Variants in OSBPL5 observed in about 807,000 individuals in gnomAD.
The protein encoded by OSBPL5 is oxysterol binding protein like 5, also known as oxysterol-binding protein-related protein 5.
Under a neutral mutation model 111.2 loss-of-function variants are expected in OSBPL5, and 71 were observed. The ratio of observed to expected loss-of-function variants is 0.64; its 90% CI spans 0.53 to 0.78. OSBPL5 has a LOEUF of 0.78. OSBPL5 is among the 30% of genes least tolerant of loss of function. The pLI is 0.00. For synonymous variants in OSBPL5, 549 were observed against 513.9 expected (o/e 1.07, Z -0.93); for missense variants, 1,210 against 1,189.3 (o/e 1.02, Z -0.26).
Position 3,152,537 on chromosome 11 carries a change from C to A in OSBPL5, c.-22+12679G>T, listed in dbSNP as rs563504285. On this transcript the variant is annotated intron_variant, in intron 1 of 21. Coordinates refer to ENST00000263650, the MANE Select transcript of OSBPL5 (RefSeq NM_020896.4). ...GACCAGGCCTTGGTTTTCACCAGGT[C>A]CCCTTCCAGGGATCCCATGTGGAAC... Among the ~76,000 whole-genome samples, 15 of 152,268 alleles carry A rather than the reference C, an allele frequency of 9.9e-5. No homozygotes were observed. In the East Asian group the frequency reaches 2.3e-3, roughly 24 times the overall value.
At position 3,105,633 on chromosome 11, in the gene OSBPL5, T is replaced by C. The variant is rs1590655302; in HGVS notation, c.1060-1256A>G. Among the ~76,000 whole-genome samples the C allele has an allele frequency of 6.6e-6, 1 of 152,082 alleles. No homozygotes were observed. The highest frequency in any genetic ancestry group is 1.5e-5 in the Non-Finnish European group (1 of 67,994). On this transcript the variant is annotated intron_variant, in intron 9 of 21. Coordinates refer to ENST00000263650, the MANE Select transcript of OSBPL5 (RefSeq NM_020896.4). The surrounding 1 kb of genome is among the most constrained non-coding windows in gnomAD (Gnocchi z 5.2). ...GTCCAGCAGCCATCCCTGCTTCTCA[T>C]CCTGCCCCACCTCTCGGACCAGCTG...
rs987760826 is a variant in OSBPL5 at position 3,152,698 on chromosome 11, C to T, written c.-22+12518G>A. ...TAAGCGTGAACAGAGCCGGTGCCTGCAAAACCTCCAGGAAGAGCTGGGTGC... is the reference window on the plus strand; with the variant it reads ...TAAGCGTGAACAGAGCCGGTGCCTGTAAAACCTCCAGGAAGAGCTGGGTGC... On this transcript the variant is annotated intron_variant, in intron 1 of 21. Transcript: ENST00000263650. Among the ~76,000 whole-genome samples the T allele has an allele frequency of 3.9e-5, 6 of 152,326 alleles. 1 individual carries two copies. In the South Asian group the frequency reaches 1.2e-3, roughly 32 times the overall value.
rs1564874307 is a variant in OSBPL5 at position 3,165,151 on chromosome 11, C to G, written c.-22+65G>C. The G allele has an allele frequency of 6.6e-6, 1 of 150,688 alleles. No homozygotes were observed. Among genetic ancestry groups the G allele is most frequent in the African/African-American group, 2.4e-5 (1 of 41,248 alleles). The allele number at this position is 150,688 out of a possible 1,614,324, so 9.3% of individuals were successfully genotyped here. A position where few individuals can be genotyped will look rare whatever the true frequency, so the allele number is the denominator to read the frequency against. ...CTCCGGCCCTGCCCGGCGGGGCCCT[C>G]CGGATCCTTCCCAGCCCGCCATCCC... On this transcript the variant is annotated intron_variant, in intron 1 of 21. Transcript: ENST00000263650. The surrounding 1 kb of genome is among the most constrained non-coding windows in gnomAD (Gnocchi z 7.4).
rs1858622364 is a variant in OSBPL5 at position 3,126,315 on chromosome 11, T to G, written c.219+158A>C. 6.6e-6 allele frequency among the ~76,000 whole-genome samples: 1 copy of G among 152,092 alleles called. No homozygotes were observed. The highest frequency in any genetic ancestry group is 1.5e-5 in the Non-Finnish European group (1 of 68,004). On this transcript the variant is annotated intron_variant, in intron 3 of 21. Transcript: ENST00000263650. The surrounding 1 kb of genome is among the most constrained non-coding windows in gnomAD (Gnocchi z 6.5). ...CAGCCCAAATATCCACCAGCAGCCCTCCCGGAGCAGCACAGTCTAGGATTG... is the reference window on the plus strand; with the variant it reads ...CAGCCCAAATATCCACCAGCAGCCCGCCCGGAGCAGCACAGTCTAGGATTG...
intron 13 of OSBPL5, among the ~76,000 whole-genome samples, chr11:3,100,801 A>T (rs1857427021): frequency 2.0e-5 from 3 of 152,076 alleles, no homozygotes; most frequent in Non-Finnish European, 4.4e-5. Flanking sequence ...GATGGGACGA[A>T]ATGTAAACGG....
rs1327814337 is a variant in OSBPL5, at chr11:3,162,891, C to G, written c.-22+2325G>C. Among the ~76,000 whole-genome samples, 1 of 151,876 alleles carries G rather than the reference C, an allele frequency of 6.6e-6. No individual in the cohort carries two copies. The highest frequency in any genetic ancestry group is 1.9e-4 in the East Asian group (1 of 5,142). On this transcript the variant is annotated intron_variant, in intron 1 of 21. Coordinates refer to ENST00000263650, the MANE Select transcript of OSBPL5 (RefSeq NM_020896.4). The surrounding 1 kb of genome is among the most constrained non-coding windows in gnomAD (Gnocchi z 8.1). The stretch of plus-strand genomic sequence containing the variant: ...GGAGGCCAGTGGCCCTCACTTGTAC[C>G]CCCCAACATCTACCCCCCAGCACAC...
At chr11:3,099,122 T>C (rs1371407338) in intron 14 of OSBPL5, among the ~76,000 whole-genome samples, 3 of 152,206 alleles carry the variant, frequency 2.0e-5, no homozygotes, top group African/African-American at 7.2e-5. Flanking sequence ...TTTAAGTGCA[T>C]ATTGCCAAGT....
intron 7 of OSBPL5, among the ~76,000 whole-genome samples, chr11:3,115,873 CT>C (rs369499437): frequency 0.032 from 4,668 of 143,914 alleles, 103 homozygotes; most frequent in Middle Eastern, 0.086. Context: ...AGGCTTTTGC[CT>C]TTTTTTTTTT....
chr11:3,110,897 G>A lies in OSBPL5; in HGVS notation c.692-2952C>T, dbSNP rs1437935551. Among the ~76,000 whole-genome samples, 1 of 152,092 alleles carries A rather than the reference G, an allele frequency of 6.6e-6. No individual in the cohort carries two copies. Among genetic ancestry groups the A allele is most frequent in the Non-Finnish European group, 1.5e-5 (1 of 68,012 alleles). ...GTGCTCTGACCACCCTGGGCACATCGTCAGGACCTCCTGAGGCTGTGTCAC... is the reference window on the plus strand; with the variant it reads ...GTGCTCTGACCACCCTGGGCACATCATCAGGACCTCCTGAGGCTGTGTCAC... On this transcript the variant is annotated intron_variant, in intron 7 of 21. Coordinates refer to ENST00000263650, the MANE Select transcript of OSBPL5 (RefSeq NM_020896.4). This position sits in a 1 kb window ranked among gnomAD's most constrained non-coding sequence, Gnocchi z 5.3.
rs1858090154 is a variant in OSBPL5, at chr11:3,113,651, T to C, written c.692-5706A>G. On this transcript the variant is annotated intron_variant, in intron 7 of 21. Transcript: ENST00000263650. The surrounding 1 kb of genome is among the most constrained non-coding windows in gnomAD (Gnocchi z 4.8). ...CCTGGGAGACTAGAGCAAGACTCCG[T>C]CTCAAAAAAAAAAAAATTTATATTG... Among the ~76,000 whole-genome samples the C allele has an allele frequency of 1.7e-5, 2 of 116,882 alleles. No individual in the cohort carries two copies. Among genetic ancestry groups the C allele is most frequent in the South Asian group, 5.0e-4 (2 of 3,970 alleles). The allele number at this position is 116,882 out of a possible 152,430, so 76.7% of individuals were successfully genotyped here. A position where few individuals can be genotyped will look rare whatever the true frequency, so the allele number is the denominator to read the frequency against.
In OSBPL5 at chr11:3,126,506, G is replaced by A. The variant is rs559515269; in HGVS notation, c.186C>T (p.Pro62=). ...CCTTCGTGGCAGAGCTTGGGGTCGG[G>A]GGCCCTTCATCCCTGGGCAGCGACG... ...NGPSLPRDEG[P]PTPSSATKVP... The change falls in exon 3 of 22, where the codon CCC becomes CCT. Residue 62 remains proline (P), a synonymous_variant. Transcript: ENST00000263650. The surrounding 1 kb of genome is among the most constrained non-coding windows in gnomAD (Gnocchi z 6.5). 1.7e-5 allele frequency: 27 copies of A among 1,609,866 alleles called. No homozygotes were observed. In the South Asian group the frequency reaches 2.2e-4, roughly 13 times the overall value.
In OSBPL5 at chr11:3,130,979, C is replaced by T. The variant is rs960970133; in HGVS notation, c.-21-1810G>A. Among the ~76,000 whole-genome samples the T allele has an allele frequency of 1.3e-5, 2 of 152,134 alleles. No individual in the cohort carries two copies. The highest frequency in any genetic ancestry group is 2.9e-5 in the Non-Finnish European group (2 of 68,018). ...GCAGCCAAGGTAAGTGAGCAGCGAT[C>T]CTGCTCTCAGGACCCACAGAGAGCC... On this transcript the variant is annotated intron_variant, in intron 1 of 21. Transcript: ENST00000263650. The surrounding 1 kb of genome is among the most constrained non-coding windows in gnomAD (Gnocchi z 4.5).
intron 14 of OSBPL5, among the ~76,000 whole-genome samples, chr11:3,098,495 A>ATTTTTTTTTTT (rs552382553): frequency 0.018 from 1,456 of 81,182 alleles, 112 homozygotes; most frequent in African/African-American, 0.036. Context: ...ACATGAAGGA[A>ATTTTTTTTTTT]TTTTTTTTTT....
At chr11:3,133,619 C>T (rs529337317) in intron 1 of OSBPL5, among the ~76,000 whole-genome samples, 3 of 152,238 alleles carry the variant, frequency 2.0e-5, no homozygotes, top group Non-Finnish European at 4.4e-5. Flanking sequence ...CCCCCAATGA[C>T]TCTCTGCTCA....
intron 17 of OSBPL5, 185 bp downstream of exon 17, chr11:3,093,342 C>T: frequency 9.9e-7 from 1 of 1,008,996 alleles, no homozygotes; most frequent in Non-Finnish European, 1.4e-6. Context: ...CCTCTCCAGG[C>T]CACACCCCTT....
At chr11:3,128,251 G>A (rs1334465673) in intron 2 of OSBPL5, among the ~76,000 whole-genome samples, 2 of 152,208 alleles carry the variant, frequency 1.3e-5, no homozygotes, top group Non-Finnish European at 2.9e-5. Flanking sequence ...CCATGGCCAG[G>A]CAGGGCTGGG....
Position 3,120,632 on chromosome 11 carries a change from G to T in OSBPL5, c.403-8C>A. On this transcript the variant is annotated splice_polypyrimidine_tract_variant and splice_region_variant and intron_variant, in intron 5 of 21. Coordinates refer to ENST00000263650, the MANE Select transcript of OSBPL5 (RefSeq NM_020896.4). ...CTTCAGGGTGCCGCGGATCTGCAGG[G>T]AGGATGCTGGCGTCGATGCCCACCC... 6.2e-7 allele frequency: 1 copy of T among 1,611,394 alleles called. No homozygotes were observed. The highest frequency in any genetic ancestry group is 1.8e-4 in the Middle Eastern group (1 of 5,606).
rs1225383276 is a variant in OSBPL5 at position 3,110,126 on chromosome 11, C to T, written c.692-2181G>A. 6.6e-6 allele frequency among the ~76,000 whole-genome samples: 1 copy of T among 152,198 alleles called. No homozygotes were observed. The highest frequency in any genetic ancestry group is 1.5e-5 in the Non-Finnish European group (1 of 68,040). On this transcript the variant is annotated intron_variant, in intron 7 of 21. Transcript: ENST00000263650. This position sits in a 1 kb window ranked among gnomAD's most constrained non-coding sequence, Gnocchi z 5.3. ...GAGCATGGATGTGGCATCTGACCAC[C>T]AGGGGTGATGTGGCACCGAGACTCC...
intron 1 of OSBPL5, among the ~76,000 whole-genome samples, chr11:3,139,701 C>T (rs562824439): frequency 6.6e-6 from 1 of 152,282 alleles, no homozygotes; most frequent in African/African-American, 2.4e-5. Flanking sequence ...CATCCAGCCT[C>T]CCCTCCTCTC....
Sources: allele counts gnomAD v4.1 joint callset (sites outside exome capture counted in the v4.1 genomes callset), GRCh38; gene constraint gnomAD v4.1.1; non-coding constraint Gnocchi (gnomAD v3.1); transcripts MANE v1.5; gene names NCBI Gene and HGNC (gene_info 2026-07-23, HGNC 2026-07-21).